WDR64: variants seen among roughly 807,000 people sequenced by gnomAD.
WDR64 encodes the protein WD repeat-containing protein 64.
In WDR64, 112 loss-of-function variants were observed where a neutral mutation model predicts 139.3. That is an observed-to-expected ratio of 0.80 (90% confidence interval 0.69 to 0.94). The LOEUF (loss-of-function observed/expected upper bound fraction) is 0.94. Among genes scored for constraint, WDR64 ranks in the 40% least tolerant of loss-of-function variants. The pLI is 0.00. For missense variants in WDR64, 1,206 were observed against 1,293.1 expected, an observed-to-expected ratio of 0.93 and a Z score of 1.03; for synonymous variants, 444 against 437.7, an observed-to-expected ratio of 1.01 and a Z score of -0.18.
intron 27 of WDR64, 122 bp downstream of exon 27, chr1:241,796,492 C>CTTTTTTTTTTTT (rs5782206): frequency 6.2e-6 from 3 of 484,726 alleles, no homozygotes; most frequent in Non-Finnish European, 6.8e-6. Flanking sequence ...TCAGTTCATA[C>CTTTTTTTTTTTT]TTTTTTTTTT....
intron 13 of WDR64, among the ~76,000 whole-genome samples, chr1:241,745,883 C>G (rs1424404176): frequency 6.6e-6 from 1 of 152,192 alleles, no homozygotes; most frequent in African/African-American, 2.4e-5. Context: ...CTGAGGAGTA[C>G]GTCTCTCTGC....
At position 241,749,605 on chromosome 1, in the gene WDR64, G is replaced by A. The variant is rs753046788; in HGVS notation, c.1653G>A (p.Gly551=). ...SGQEMKVLPE[G]KDWKEDEHCL... Reference sequence around the variant, plus strand: ...AGGAGATGAAGGTGTTGCCGGAGGGGAAAGACTGGAAGGAGGACGAGCACT... The same window carrying A: ...AGGAGATGAAGGTGTTGCCGGAGGGAAAAGACTGGAAGGAGGACGAGCACT... The change falls in exon 14 of 28, where the codon GGG becomes GGA. Residue 551 remains glycine, a synonymous_variant. Coordinates refer to ENST00000437684, the MANE Select transcript of WDR64 (RefSeq NM_001367482.1). The A allele has an allele frequency of 3.7e-6, 6 of 1,614,102 alleles. No individual in the cohort carries two copies. The South Asian group carries it at 4.4e-5, about 12-fold the overall frequency.
At chr1:241,683,793 A>G (rs1666909366) in intron 7 of WDR64, 92 bp downstream of exon 7, 4 of 1,098,980 alleles carry the variant, frequency 3.6e-6, no homozygotes, top group East Asian at 2.6e-5. Flanking sequence ...TGAGATTTAA[A>G]TTACAGAAAA....
intron 13 of WDR64, among the ~76,000 whole-genome samples, chr1:241,746,034 G>T (rs954729617): frequency 5.3e-5 from 8 of 152,142 alleles, no homozygotes; most frequent in African/African-American, 1.9e-4. Context: ...TTCCTATAAT[G>T]CCACAGAGTC....
At chr1:241,764,816 G>T (rs1371226798) in intron 15 of WDR64, among the ~76,000 whole-genome samples, 2 of 152,156 alleles carry the variant, frequency 1.3e-5, no homozygotes, top group African/African-American at 4.8e-5. Flanking sequence ...GGCACTGAAA[G>T]AAAGGAAGGA....
intron 10 of WDR64, among the ~76,000 whole-genome samples, chr1:241,729,682 T>TC (rs995996395): frequency 4.6e-5 from 7 of 152,218 alleles, no homozygotes; most frequent in African/African-American, 1.7e-4. Context: ...TGAGTTTTTT[T>TC]TCCTTTTGGT....
chr1:241,731,439 G>C (rs1427764559), intron 10 of WDR64, among the ~76,000 whole-genome samples: 1 of 151,740 alleles, frequency 6.6e-6, no homozygotes, highest in African/African-American at 2.4e-5. Context: ...CGTTCATAAC[G>C]ACCCTATGAG....
intron 27 of WDR64, among the ~76,000 whole-genome samples, chr1:241,797,654 T>C (rs1659405939): frequency 6.6e-6 from 1 of 152,202 alleles, no homozygotes; most frequent in African/African-American, 2.4e-5. Flanking sequence ...CTGTTCATCA[T>C]CAACTCTGAC....
intron 13 of WDR64, among the ~76,000 whole-genome samples, chr1:241,747,932 G>C (rs961993639): frequency 2.0e-5 from 3 of 152,156 alleles, no homozygotes; most frequent in Non-Finnish European, 2.9e-5. Context: ...CTGAGTGTAG[G>C]ATAGCATGAG....
chr1:241,678,098 A>G, intron 4 of WDR64, 89 bp from the exon 5 acceptor site: 1 of 398,326 alleles, frequency 2.5e-6, no homozygotes, highest in East Asian at 3.6e-5. Context: ...AGATTAAACC[A>G]AGAAGATACT....
At chr1:241,759,300 T>C (rs559856707) in intron 15 of WDR64, among the ~76,000 whole-genome samples, 64 of 152,156 alleles carry the variant, frequency 4.2e-4, no homozygotes, top group Admixed American at 1.6e-3. Flanking sequence ...TTGCTTAAAA[T>C]AATTCCTTGT....
At chr1:241,754,243 G>C (rs566613450) in intron 14 of WDR64, among the ~76,000 whole-genome samples, 23 of 151,174 alleles carry the variant, frequency 1.5e-4, no homozygotes, top group African/African-American at 5.6e-4. Context: ...TTCATATTTA[G>C]TATCTTTTTT....
intron 10 of WDR64, among the ~76,000 whole-genome samples, chr1:241,733,049 T>C (rs1449820293): frequency 1.3e-5 from 2 of 152,198 alleles, no homozygotes; most frequent in East Asian, 3.9e-4. Context: ...TCTCTTGTCC[T>C]TTTCTTTGAT....
chr1:241,738,396 CT>C lies in WDR64; in HGVS notation c.1229del (p.Leu410HisfsTer20). On this transcript the variant is annotated frameshift_variant, in exon 11 of 28. Coordinates refer to ENST00000437684, the MANE Select transcript of WDR64 (RefSeq NM_001367482.1). LOFTEE classifies it high-confidence loss of function. Reference sequence around the variant, plus strand: ...GGTGTGGGATATACAAACTCTTTCACTATTACAAGTCTTCCATGACAGCCAG... The same window carrying C: ...GGTGTGGGATATACAAACTCTTTCACATTACAAGTCTTCCATGACAGCCAG... Reference protein sequence around the residue: ...FRVWDIQTLSLLQVFHDSQGG... With the variant: ...FRVWDIQTLSXLQVFHDSQGG... 2 of 1,613,868 alleles carry C rather than the reference CT, an allele frequency of 1.2e-6. No homozygotes were observed. Among genetic ancestry groups the C allele is most frequent in the Non-Finnish European group, 1.7e-6 (2 of 1,179,864 alleles).
chr1:241,802,672 G>A lies in WDR64; in HGVS notation c.*1457G>A, dbSNP rs1196195183. On this transcript the variant is annotated 3_prime_UTR_variant, in exon 28 of 28. Transcript: ENST00000437684. ...AATAAGATGAACTAATGGATAGAGG[G>A]ATGGACTGATAGATGGATATGTGTT... Among the ~76,000 whole-genome samples the A allele has an allele frequency of 6.6e-6, 1 of 152,166 alleles. No individual in the cohort carries two copies. The highest frequency in any genetic ancestry group is 2.4e-5 in the African/African-American group (1 of 41,452).
At chr1:241,775,734 T>C (rs1658634346) in intron 21 of WDR64, among the ~76,000 whole-genome samples, 1 of 152,178 alleles carries the variant, frequency 6.6e-6, no homozygotes, top group African/African-American at 2.4e-5. Context: ...TTTGCTTTCC[T>C]TTCTCCTATA....
Position 241,689,672 on chromosome 1 carries a change from G to A in WDR64, c.974+2077G>A, listed in dbSNP as rs138381031. Among the ~76,000 whole-genome samples the A allele has an allele frequency of 1.2e-4, 18 of 152,290 alleles. No homozygotes were observed. The East Asian group carries it at 3.5e-3, about 29-fold the overall frequency. ...GCAAGGAGGTTGGAATTATCAGAAT[G>A]GGAATGTAAGACAACTACAATTAAC... On this transcript the variant is annotated intron_variant, in intron 8 of 27. Transcript: ENST00000437684.
chr1:241,796,259 A>G lies in WDR64; in HGVS notation c.3081A>G (p.Ile1027Met). ...IVFGSLPIYS[I>M]SSPTSLRFLP... ...ACTGACTAATTTATGGCTTCCAGAT[A>G]TCAAGCCCCACTAGTCTAAGATTTC... is the stretch of plus-strand genomic sequence containing the variant. The change falls in exon 27 of 28, where the codon ATA becomes ATG. Residue 1027 changes from isoleucine (I) to methionine (M), a missense_variant and splice_region_variant. Ile to Met is a conservative substitution (Grantham distance 10). Transcript: ENST00000437684. The G allele has an allele frequency of 6.2e-7, 1 of 1,609,962 alleles. No homozygotes were observed.
intron 8 of WDR64, among the ~76,000 whole-genome samples, chr1:241,702,361 C>T (rs1426259205): frequency 1.3e-5 from 2 of 152,116 alleles, no homozygotes; most frequent in Admixed American, 1.3e-4. Flanking sequence ...CTCAGTTTCC[C>T]CATCTTTAAA....
Sources: allele counts gnomAD v4.1 joint callset (sites outside exome capture counted in the v4.1 genomes callset), GRCh38; gene constraint gnomAD v4.1.1; transcripts MANE v1.5; gene names NCBI Gene and HGNC (gene_info 2026-07-23, HGNC 2026-07-21).